Variants in TMEM63C observed in about 807,000 individuals in gnomAD.
TMEM63C encodes osmosensitive cation channel TMEM63C.
In TMEM63C, 32 loss-of-function variants were observed where a neutral mutation model predicts 99.2. The observed-to-expected ratio is 0.32, with a 90% CI of 0.24 to 0.43. The LOEUF is 0.43. Among genes scored for constraint, TMEM63C ranks in the 20% least tolerant of loss-of-function variants. The pLI is 1.00. For synonymous variants in TMEM63C, 376 were observed against 397.9 expected (o/e 0.94, Z 0.66); for missense variants, 826 against 1,053.0 (o/e 0.78, Z 2.98).
intron 1 of TMEM63C, among the ~76,000 whole-genome samples, chr14:77,189,066 A>G (rs1160395022): frequency 6.6e-6 from 1 of 152,170 alleles, no homozygotes; most frequent in African/African-American, 2.4e-5. Context: ...AAAAAAAGGA[A>G]ATTGCAAAAT....
At chr14:77,184,216 G>A (rs8018063) in intron 1 of TMEM63C, among the ~76,000 whole-genome samples, 21,291 of 151,930 alleles carry the variant, frequency 0.14, 1,801 homozygotes, top group African/African-American at 0.24. Flanking sequence ...CTCCCTCTGC[G>A]GCCAGCCTAG....
intron 1 of TMEM63C, among the ~76,000 whole-genome samples, chr14:77,197,566 A>C (rs570280987): frequency 5.4e-4 from 83 of 152,338 alleles, no homozygotes; most frequent in Non-Finnish European, 1.0e-3. Context: ...AATATCTGTA[A>C]AGTACTTGAA....
intron 15 of TMEM63C, among the ~76,000 whole-genome samples, chr14:77,243,600 G>A (rs979008246): frequency 6.6e-6 from 1 of 152,100 alleles, no homozygotes; most frequent in Non-Finnish European, 1.5e-5. Flanking sequence ...CAGCCCTGGA[G>A]GAACCATCTC....
chr14:77,250,706 C>T (rs1336412299), intron 21 of TMEM63C, among the ~76,000 whole-genome samples: 2 of 152,116 alleles, frequency 1.3e-5, no homozygotes, highest in African/African-American at 4.8e-5. Flanking sequence ...CTTTTCTCTC[C>T]CTGCCATGGT....
intron 2 of TMEM63C, among the ~76,000 whole-genome samples, chr14:77,214,389 G>A (rs1314182891): frequency 6.6e-6 from 1 of 152,030 alleles, no homozygotes; most frequent in African/African-American, 2.4e-5. Flanking sequence ...ATCCCCAGAA[G>A]CATCCCCAGC....
intron 22 of TMEM63C, among the ~76,000 whole-genome samples, chr14:77,252,515 C>T (rs1889385870): frequency 6.6e-6 from 1 of 152,198 alleles, no homozygotes; most frequent in Admixed American, 6.5e-5. Flanking sequence ...TCCTGGGGCA[C>T]TGGAATGATT....
intron 1 of TMEM63C, among the ~76,000 whole-genome samples, chr14:77,194,626 C>T (rs4903556): frequency 0.69 from 103,103 of 149,134 alleles, 36,108 homozygotes; most frequent in East Asian, 0.89. Context: ...CACGCTGGAG[C>T]GCAGTGGCAC....
At chr14:77,197,320 A>G (rs984524042) in intron 1 of TMEM63C, among the ~76,000 whole-genome samples, 1 of 152,250 alleles carries the variant, frequency 6.6e-6, no homozygotes, top group Non-Finnish European at 1.5e-5. Context: ...AGAGCCCTCC[A>G]GGGCAGGGAG....
At chr14:77,225,669 A>G (rs187271833) in intron 6 of TMEM63C, among the ~76,000 whole-genome samples, 3 of 152,320 alleles carry the variant, frequency 2.0e-5, no homozygotes, top group East Asian at 1.9e-4. Context: ...TGCCCCTGTT[A>G]TCTCTGCCTC....
chr14:77,208,293 G>A (rs1888439202), intron 1 of TMEM63C, among the ~76,000 whole-genome samples: 1 of 152,144 alleles, frequency 6.6e-6, no homozygotes. Flanking sequence ...AGTCAGGAGG[G>A]CCATTACTGG....
intron 1 of TMEM63C, among the ~76,000 whole-genome samples, chr14:77,209,072 G>A (rs1888453381): frequency 3.3e-5 from 5 of 152,220 alleles, no homozygotes; most frequent in Admixed American, 3.3e-4. Flanking sequence ...GAAGAGGACA[G>A]CAAAAGCAAC....
chr14:77,189,349 C>T (rs1003270117), intron 1 of TMEM63C, among the ~76,000 whole-genome samples: 2 of 151,712 alleles, frequency 1.3e-5, no homozygotes, highest in African/African-American at 4.8e-5. Context: ...AATTCCTGGG[C>T]TCAAGTGATC....
intron 5 of TMEM63C, among the ~76,000 whole-genome samples, chr14:77,222,594 C>A (rs1426351366): frequency 6.6e-6 from 1 of 152,174 alleles, no homozygotes; most frequent in African/African-American, 2.4e-5. Flanking sequence ...GGTCCATCCT[C>A]CCTTACTCCT....
intron 21 of TMEM63C, 92 bp from the exon 22 acceptor site, chr14:77,251,697 C>A: frequency 1.0e-6 from 1 of 979,912 alleles, no homozygotes; most frequent in Non-Finnish European, 1.6e-6. Context: ...AAAGCCCTTG[C>A]AGTGGTGCTG....
chr14:77,225,475 C>G lies in TMEM63C; in HGVS notation c.350+14C>G, dbSNP rs1007297822. The G allele has an allele frequency of 1.9e-6, 3 of 1,612,622 alleles. No homozygotes were observed. The highest frequency in any genetic ancestry group is 2.5e-6 in the Non-Finnish European group (3 of 1,179,350). On this transcript the variant is annotated intron_variant, in intron 6 of 23. Transcript: ENST00000298351. ...CATAACAATGAAGTAAGTGCCCGGG[C>G]TCTGTGAGCTTGTGACCGTGTTGCC...
At chr14:77,206,075 GGCCAGGCCCATTCAGGACCCC>G (rs1888394132) in intron 1 of TMEM63C, among the ~76,000 whole-genome samples, 1 of 152,178 alleles carries the variant, frequency 6.6e-6, no homozygotes, top group Non-Finnish European at 1.5e-5. Flanking sequence ...GTAATCCAGA[GGCCAGGCCCATTCAGGACCCC>G]GCCCCCTACC....
intron 5 of TMEM63C, 147 bp from the exon 6 acceptor site, chr14:77,225,277 A>G: frequency 1.8e-6 from 1 of 554,940 alleles, no homozygotes; most frequent in Non-Finnish European, 3.0e-6. Context: ...ACTGGTTCCC[A>G]GCTGAGCCTT....
intron 1 of TMEM63C, among the ~76,000 whole-genome samples, chr14:77,196,416 C>T (rs1175513696): frequency 6.6e-6 from 1 of 152,240 alleles, no homozygotes; most frequent in Admixed American, 6.5e-5. Flanking sequence ...GGCAGAACGG[C>T]CTAACCCCAT....
At position 77,243,011 on chromosome 14, in the gene TMEM63C, C is replaced by T. The variant is rs764457993; in HGVS notation, c.1296C>T (p.Asn432=). Residue 432 remains asparagine, a synonymous_variant, in exon 15 of 24, where the codon AAC becomes AAT. Coordinates refer to ENST00000298351, the MANE Select transcript of TMEM63C (RefSeq NM_020431.4). ...TCACCACGCCTGCCATCATCATGAA[C>T]ACTATCGACATGTACAACGTCACCC... is the stretch of plus-strand genomic sequence containing the variant. ...FFLTTPAIIM[N]TIDMYNVTRP... The T allele has an allele frequency of 1.2e-6, 2 of 1,614,016 alleles. No individual in the cohort carries two copies. Among genetic ancestry groups the T allele is most frequent in the African/African-American group, 1.3e-5 (1 of 75,072 alleles).
Sources: allele counts gnomAD v4.1 joint callset (sites outside exome capture counted in the v4.1 genomes callset), GRCh38; gene constraint gnomAD v4.1.1; transcripts MANE v1.5; gene names NCBI Gene and HGNC (gene_info 2026-07-23, HGNC 2026-07-21).